RAB40C: variants seen among roughly 807,000 people sequenced by gnomAD.
RAB40C encodes the protein ras-related protein Rab-40C.
RAB40C carries 8 observed loss-of-function variants against 28.1 expected under a neutral mutation model. That is an observed-to-expected ratio of 0.28 (90% CI 0.17 to 0.51). RAB40C has a LOEUF of 0.51. Ranked by LOEUF, RAB40C falls within the 20% of genes least tolerant of loss-of-function variation. RAB40C has a pLI of 0.97. For missense variants in RAB40C, 288 were observed against 405.9 expected (o/e 0.71, Z 2.50); for synonymous variants, 201 against 171.7 (o/e 1.17, Z -1.34).
Position 610,180 on chromosome 16 carries a change from G to A in RAB40C, c.143-7028G>A, listed in dbSNP as rs2036454852. 6.6e-6 allele frequency among the ~76,000 whole-genome samples: 1 copy of A among 152,162 alleles called. No homozygotes were observed. The highest frequency in any genetic ancestry group is 2.1e-4 in the South Asian group (1 of 4,832). ...CAGCAGCCGAGGCGCCGGTGGCTTT[G>A]CTCTGGTGGCAGGACAGGTGTTCTG... On this transcript the variant is annotated intron_variant, in intron 1 of 5. Transcript: ENST00000248139. This position sits in a 1 kb window ranked among gnomAD's most constrained non-coding sequence, Gnocchi z 4.6.
chr16:625,213 G>T, intron 3 of RAB40C: 1 of 1,430,218 alleles, frequency 7.0e-7, no homozygotes, highest in Non-Finnish European at 9.2e-7. Context: ...ACCATGGAAG[G>T]CGCCCACCCC....
chr16:607,151 G>A (rs2036376521), intron 1 of RAB40C, among the ~76,000 whole-genome samples: 1 of 152,174 alleles, frequency 6.6e-6, no homozygotes, highest in Admixed American at 6.5e-5. Context: ...CCATGGGCAG[G>A]GGCACAGGTG....
At chr16:623,387 C>A (rs759521181) in intron 3 of RAB40C, among the ~76,000 whole-genome samples, 7 of 152,148 alleles carry the variant, frequency 4.6e-5, no homozygotes, top group South Asian at 2.1e-4. Context: ...CGGTGGCTCA[C>A]GCCTGTCATC....
intron 1 of RAB40C, among the ~76,000 whole-genome samples, chr16:608,715 C>CA (rs1051278890): frequency 1.9e-4 from 29 of 151,854 alleles, no homozygotes; most frequent in African/African-American, 6.3e-4. Flanking sequence ...ACAAAAAATG[C>CA]AAAAAAAATT....
intron 1 of RAB40C, among the ~76,000 whole-genome samples, chr16:608,589 G>C (rs1293338942): frequency 6.6e-6 from 1 of 152,180 alleles, no homozygotes; most frequent in African/African-American, 2.4e-5. Flanking sequence ...ATGAAACTCG[G>C]CTGGCCATGG....
chr16:613,251 C>T (rs1321066026), intron 1 of RAB40C, among the ~76,000 whole-genome samples: 6 of 150,882 alleles, frequency 4.0e-5, no homozygotes, highest in East Asian at 2.0e-4. Flanking sequence ...CAGGGACAGC[C>T]GCCCTGGCCT....
chr16:625,523 CG>C lies in RAB40C; in HGVS notation c.342+18del. The C allele has an allele frequency of 6.2e-7, 1 of 1,612,420 alleles. No individual in the cohort carries two copies. The highest frequency in any genetic ancestry group is 8.5e-7 in the Non-Finnish European group (1 of 1,179,408). Reference sequence around the variant, plus strand: ...GAGATCGATGAGGTAGGCCTGGGTCCGGGGAGCCCTCCCGGGGAAGGCAGGC... The same window carrying C: ...GAGATCGATGAGGTAGGCCTGGGTCCGGGAGCCCTCCCGGGGAAGGCAGGC... On this transcript the variant is annotated intron_variant, in intron 4 of 5. Coordinates refer to ENST00000248139, the MANE Select transcript of RAB40C (RefSeq NM_021168.5).
At chr16:596,736 C>T (rs1477491021) in intron 1 of RAB40C, among the ~76,000 whole-genome samples, 1 of 152,162 alleles carries the variant, frequency 6.6e-6, no homozygotes, top group Non-Finnish European at 1.5e-5. Context: ...GAAGGACTGG[C>T]TGCCAAGACC....
At chr16:625,746 G>C (rs2036816106) in intron 4 of RAB40C, 153 bp from the exon 5 acceptor site, 1 of 875,484 alleles carries the variant, frequency 1.1e-6, no homozygotes, top group African/African-American at 1.7e-5. Flanking sequence ...TGTAGGGCCT[G>C]AGCCCTGGGG....
chr16:598,314 C>A (rs938240667), intron 1 of RAB40C, among the ~76,000 whole-genome samples: 2 of 150,862 alleles, frequency 1.3e-5, no homozygotes, highest in Non-Finnish European at 2.9e-5. Flanking sequence ...GGAGGCAGAG[C>A]TTGCAGTGAG....
intron 1 of RAB40C, among the ~76,000 whole-genome samples, chr16:615,452 C>G (rs1440662143): frequency 6.6e-6 from 1 of 152,162 alleles, no homozygotes; most frequent in Non-Finnish European, 1.5e-5. Context: ...TTCCAAGCCC[C>G]TTGGAGAAAG....
intron 1 of RAB40C, among the ~76,000 whole-genome samples, chr16:598,255 G>A (rs1223314936): frequency 1.3e-5 from 2 of 151,988 alleles, no homozygotes; most frequent in South Asian, 4.1e-4. Flanking sequence ...GCGGGCACCT[G>A]TAGTCCCAGC....
chr16:627,695 C>A lies in RAB40C; in HGVS notation c.*73C>A. 6.8e-7 allele frequency: 1 copy of A among 1,463,222 alleles called. No individual in the cohort carries two copies. The highest frequency in any genetic ancestry group is 9.1e-7 in the Non-Finnish European group (1 of 1,095,908). 90.6% of individuals were successfully genotyped at this position (1,463,222 alleles called of 1,614,324 possible). ...GGACACTCCTGGCTGGACGCCAGGC[C>A]AGTGCCGCCTACGTGGAGACTGTCC... On this transcript the variant is annotated 3_prime_UTR_variant, in exon 6 of 6. Transcript: ENST00000248139.
At chr16:625,224 C>T (rs1002806880) in intron 3 of RAB40C, 2 of 1,437,394 alleles carry the variant, frequency 1.4e-6, no homozygotes, top group Non-Finnish European at 1.8e-6. Context: ...CGCCCACCCC[C>T]CTGCTGCAGT....
intron 1 of RAB40C, among the ~76,000 whole-genome samples, chr16:592,324 T>A (rs2036018081): frequency 6.6e-6 from 1 of 152,184 alleles, no homozygotes; most frequent in East Asian, 1.9e-4. Context: ...AGCGTGGGAT[T>A]ACCTGGACTG....
At chr16:592,631 C>T (rs2036027217) in intron 1 of RAB40C, among the ~76,000 whole-genome samples, 1 of 152,254 alleles carries the variant, frequency 6.6e-6, no homozygotes, top group Admixed American at 6.5e-5. Context: ...GGTGGCGTTG[C>T]CTTCTAAAGC....
At chr16:607,732 A>G (rs2036392315) in intron 1 of RAB40C, among the ~76,000 whole-genome samples, 2 of 152,242 alleles carry the variant, frequency 1.3e-5, no homozygotes, top group South Asian at 4.1e-4. Context: ...CGGAGCTTGC[A>G]GTGAGCCGAG....
chr16:625,562 C>A, intron 4 of RAB40C, 53 bp downstream of exon 4: 1 of 1,566,964 alleles, frequency 6.4e-7, no homozygotes, highest in South Asian at 1.1e-5. Context: ...GATGGAGGTA[C>A]CTGGGCCCCG....
At chr16:599,101 A>G (rs1342117797) in intron 1 of RAB40C, among the ~76,000 whole-genome samples, 1 of 152,236 alleles carries the variant, frequency 6.6e-6, no homozygotes, top group East Asian at 1.9e-4. Flanking sequence ...AGGACTCTGA[A>G]CACAAACACA....
Sources: gnomAD v4.1 joint callset for allele counts (sites outside exome capture counted in the v4.1 genomes callset) on GRCh38, gnomAD v4.1.1 for gene constraint, Gnocchi (gnomAD v3.1) non-coding constraint, MANE v1.5 for transcripts, NCBI Gene and HGNC (gene_info 2026-07-23, HGNC 2026-07-21) for gene names.